EYS: variants seen among roughly 807,000 people sequenced by gnomAD.
EYS encodes EGF-like photoreceptor maintenance factor.
Under a neutral mutation model 282.1 loss-of-function variants are expected in EYS, and 250 were observed. That is an observed-to-expected ratio of 0.89 (90% CI 0.80 to 0.98). The LOEUF is 0.98. Ranked by LOEUF, EYS falls within the 50% of genes least tolerant of loss-of-function variation. EYS has a pLI of 0.00. For missense variants in EYS, 4,016 were observed against 3,709.0 expected (o/e 1.08, Z -2.15); for synonymous variants, 1,355 against 1,282.9 (o/e 1.06, Z -1.20).
intron 11 of EYS, among the ~76,000 whole-genome samples, chr6:65,318,301 G>A (rs933564222): frequency 1.3e-5 from 2 of 151,728 alleles, no homozygotes; most frequent in Non-Finnish European, 2.9e-5. Flanking sequence ...GAGCGACAAA[G>A]ACACAAAGAG....
At chr6:64,431,292 T>A (rs1364667649) in intron 28 of EYS, among the ~76,000 whole-genome samples, 1 of 152,180 alleles carries the variant, frequency 6.6e-6, no homozygotes, top group Non-Finnish European at 1.5e-5. Flanking sequence ...TTTCTCTTTT[T>A]ATAAAAACAC....
intron 31 of EYS, among the ~76,000 whole-genome samples, chr6:64,229,767 C>T (rs1766363722): frequency 1.3e-5 from 2 of 152,026 alleles, no homozygotes; most frequent in Non-Finnish European, 2.9e-5. Flanking sequence ...ACAAACACAC[C>T]CCTTTGAATT....
chr6:64,408,820 G>A (rs970408174), intron 28 of EYS, among the ~76,000 whole-genome samples: 1 of 151,998 alleles, frequency 6.6e-6, no homozygotes, highest in Non-Finnish European at 1.5e-5. Context: ...CTATGTTGAG[G>A]GCATACATGT....
At chr6:65,622,705 G>A (rs1766556059) in intron 2 of EYS, among the ~76,000 whole-genome samples, 1 of 151,638 alleles carries the variant, frequency 6.6e-6, no homozygotes, top group African/African-American at 2.4e-5. Context: ...TTAATCAAGA[G>A]TAAGACCACA....
chr6:65,437,370 G>A (rs1042455931), intron 5 of EYS, among the ~76,000 whole-genome samples: 1 of 152,086 alleles, frequency 6.6e-6, no homozygotes, highest in South Asian at 2.1e-4. Context: ...ATTCATGCAT[G>A]AACATTAACT....
chr6:65,205,067 C>G (rs1426900284), intron 12 of EYS, among the ~76,000 whole-genome samples: 2 of 141,314 alleles, frequency 1.4e-5, no homozygotes, highest in African/African-American at 5.2e-5. Context: ...TTTATATATT[C>G]TAGAAGAATA....
At chr6:63,965,330 C>T (rs528381420) in intron 35 of EYS, among the ~76,000 whole-genome samples, 1 of 152,298 alleles carries the variant, frequency 6.6e-6, no homozygotes, top group African/African-American at 2.4e-5. Context: ...AAGAAAAGGT[C>T]GTGTGATCCC....
chr6:65,390,996 A>G (rs1379332774), intron 7 of EYS, among the ~76,000 whole-genome samples: 1 of 152,152 alleles, frequency 6.6e-6, no homozygotes, highest in East Asian at 1.9e-4. Context: ...ATTAACAAAT[A>G]TTGGAGGTTG....
chr6:64,727,484 A>G (rs1449529971), intron 22 of EYS, among the ~76,000 whole-genome samples: 3 of 152,192 alleles, frequency 2.0e-5, no homozygotes, highest in Non-Finnish European at 2.9e-5. Context: ...TAGCCATATC[A>G]CCTACCAGTT....
chr6:65,643,706 G>C (rs1378283005), intron 1 of EYS, among the ~76,000 whole-genome samples: 1 of 152,076 alleles, frequency 6.6e-6, no homozygotes, highest in Non-Finnish European at 1.5e-5. Flanking sequence ...CACCAGAGCA[G>C]GTTACTGGTA....
At chr6:65,141,583 A>G (rs188772661) in intron 12 of EYS, among the ~76,000 whole-genome samples, 3 of 152,194 alleles carry the variant, frequency 2.0e-5, no homozygotes, top group Non-Finnish European at 1.5e-5. Context: ...GGATAATTCT[A>G]AATAAATCCA....
rs188550848 is a variant in EYS at position 65,593,210 on chromosome 6, T to C, written c.-333+46568A>G. On this transcript the variant is annotated intron_variant, in intron 2 of 42. Coordinates refer to ENST00000503581, the MANE Select transcript of EYS (RefSeq NM_001142800.2). ...TGTCATCTGTCTTTCCAAAACTGTC[T>C]TTTAAAACAAACTCCTATTCAGCTA... is the stretch of plus-strand genomic sequence containing the variant. Among the ~76,000 whole-genome samples, 23 of 152,188 alleles carry C rather than the reference T, an allele frequency of 1.5e-4. No individual in the cohort carries two copies. In the East Asian group the frequency reaches 3.3e-3, roughly 22 times the overall value.
At chr6:64,988,078 G>C (rs571766107) in intron 14 of EYS, among the ~76,000 whole-genome samples, 1 of 151,278 alleles carries the variant, frequency 6.6e-6, no homozygotes, top group East Asian at 2.0e-4. Context: ...TTTTGGTCTT[G>C]GTCTTTTAAG....
intron 31 of EYS, among the ~76,000 whole-genome samples, chr6:64,216,425 TA>T (rs1765929386): frequency 6.6e-6 from 1 of 152,202 alleles, no homozygotes; most frequent in Non-Finnish European, 1.5e-5. Flanking sequence ...AGAATGTGCC[TA>T]AGAGAAGCCC....
chr6:64,037,095 T>C (rs1290871213), intron 33 of EYS, among the ~76,000 whole-genome samples: 1 of 152,220 alleles, frequency 6.6e-6, no homozygotes, highest in African/African-American at 2.4e-5. Context: ...GGTTATATAC[T>C]ACCCTGTCAC....
chr6:64,948,028 G>T (rs906981461), intron 14 of EYS, among the ~76,000 whole-genome samples: 1 of 151,762 alleles, frequency 6.6e-6, no homozygotes, highest in Admixed American at 6.6e-5. Context: ...TTTCTTAAAA[G>T]CTAATAACTA....
chr6:64,235,908 G>T (rs1169395963), intron 30 of EYS, among the ~76,000 whole-genome samples: 2 of 152,188 alleles, frequency 1.3e-5, no homozygotes, highest in Non-Finnish European at 2.9e-5. Context: ...GGAGGAACTG[G>T]TACCATTCCT....
intron 18 of EYS, among the ~76,000 whole-genome samples, chr6:64,887,188 C>A (rs1445243712): frequency 3.3e-5 from 5 of 149,264 alleles, no homozygotes; most frequent in Admixed American, 2.0e-4. Flanking sequence ...GGACAAAAAA[C>A]CAAACACCGC....
chr6:65,405,403 G>GA (rs1766694241), intron 5 of EYS, 36 bp from the exon 6 acceptor site: 17 of 1,434,802 alleles, frequency 1.2e-5, no homozygotes, highest in Non-Finnish European at 3.9e-6. Context: ...AAAAAGAAAA[G>GA]GAAGGAAGGA....
Sources: allele counts gnomAD v4.1 joint callset (sites outside exome capture counted in the v4.1 genomes callset), GRCh38; gene constraint gnomAD v4.1.1; transcripts MANE v1.5; gene names NCBI Gene and HGNC (gene_info 2026-07-23, HGNC 2026-07-21).